The following CFHR1 variants were observed in gnomAD, a reference collection of about 807,000 sequenced individuals.
CFHR1 encodes complement factor H related 1, also known as complement factor H-related protein 1.
A neutral mutation model predicts 30.4 loss-of-function variants in CFHR1; 22 were observed. The ratio of observed to expected loss-of-function variants is 0.72; its 90% CI spans 0.52 to 1.03. The LOEUF is 1.03. Among genes scored for constraint, CFHR1 ranks in the 50% least tolerant of loss-of-function variants. CFHR1 has a pLI of 0.00. For synonymous variants in CFHR1, 95 were observed against 129.1 expected (o/e 0.74, Z 1.79); for missense variants, 248 against 380.6 (o/e 0.65, Z 2.90).
intron 3 of CFHR1, among the ~76,000 whole-genome samples, 163 bp from the exon 4 acceptor site, chr1:196,827,907 T>A: frequency 7.7e-6 from 1 of 130,306 alleles, no homozygotes; most frequent in Non-Finnish European, 1.6e-5. Flanking sequence ...TAGTTTCATG[T>A]CTTTTCTTCA....
chr1:196,828,035 C>T (rs555825554), intron 3 of CFHR1, 35 bp from the exon 4 acceptor site: 2 of 1,489,894 alleles, frequency 1.3e-6, no homozygotes, highest in Non-Finnish European at 1.8e-6. Flanking sequence ...TCAAAATGAA[C>T]ACTAGGTGGA....
chr1:196,826,715 G>A lies in CFHR1; in HGVS notation c.254-114G>A, dbSNP rs1290635568. ...TCCACTCGCCTCAGCCTCCCAAAGC[G>A]CAGAGATTACCAGAGTGAGCCACTT... On this transcript the variant is annotated intron_variant, in intron 2 of 5. Coordinates refer to ENST00000320493, the MANE Select transcript of CFHR1 (RefSeq NM_002113.3). 2.7e-5 allele frequency: 28 copies of A among 1,032,632 alleles called. 7 individuals carry two copies. In the South Asian group the frequency reaches 2.9e-4, roughly 11 times the overall value. The allele number at this position is 1,032,632 out of a possible 1,614,324, so 64.0% of individuals were successfully genotyped here.
chr1:196,830,807 T>C (rs1655525064), intron 5 of CFHR1, 125 bp downstream of exon 5: 1 of 1,302,962 alleles, frequency 7.7e-7, no homozygotes, highest in African/African-American at 1.9e-5. Context: ...CTACCAAAAA[T>C]TTCTTTTAGA....
At position 196,824,748 on chromosome 1, in the gene CFHR1, GTATATATATATATATATA is replaced by G. The variant is rs71131725; in HGVS notation, c.59-713_59-696del. ...CGAAGTGAAACGAGTGGGGCTGACT[GTATATATATATATATATA>G]TATATATATATATATGTGCGTGTGT... On this transcript the variant is annotated intron_variant, in intron 1 of 5. Transcript: ENST00000320493. 1.8e-4 allele frequency among the ~76,000 whole-genome samples: 10 copies of G among 55,018 alleles called. 4 individuals are homozygous for G. Among genetic ancestry groups the G allele is most frequent in the African/African-American group, 1.1e-3 (10 of 9,490 alleles). The allele number at this position is 55,018 out of a possible 152,430, so 36.1% of individuals were successfully genotyped here.
rs1191436772 is a variant in CFHR1 at position 196,826,923 on chromosome 1, A to G, written c.348A>G (p.Thr116=). 4.6e-6 allele frequency: 7 copies of G among 1,525,834 alleles called. 1 individual carries two copies. Among genetic ancestry groups the G allele is most frequent in the Non-Finnish European group, 6.2e-6 (7 of 1,129,614 alleles). The allele number at this position is 1,525,834 out of a possible 1,614,324, so 94.5% of individuals were successfully genotyped here. A position where few individuals can be genotyped will look rare whatever the true frequency, so the allele number is the denominator to read the frequency against. Residue 116 remains threonine (T), a synonymous_variant, in exon 3 of 6, where the codon ACA becomes ACG. Transcript: ENST00000320493. ...ATACTGTGCAAATTATTTGCAACAC[A>G]GGATACAGACTTCAAAACAATGAGA... ...EGDTVQIICN[T]GYRLQNNENN...
chr1:196,830,149 G>A lies in CFHR1; in HGVS notation c.608-351G>A, dbSNP rs1333401806. On this transcript the variant is annotated intron_variant, in intron 4 of 5. Transcript: ENST00000320493. ...AGAACCATCATCAATTTCAAAACCCGTGTCCTCTTAGTGTTACTCCAAAGA... is the reference window on the plus strand; with the variant it reads ...AGAACCATCATCAATTTCAAAACCCATGTCCTCTTAGTGTTACTCCAAAGA... Among the ~76,000 whole-genome samples, 2 of 134,906 alleles carry A rather than the reference G, an allele frequency of 1.5e-5. 1 individual carries two copies. Among genetic ancestry groups the A allele is most frequent in the African/African-American group, 6.3e-5 (2 of 31,514 alleles). 88.5% of individuals were successfully genotyped at this position (134,906 alleles called of 152,430 possible).
Position 196,829,660 on chromosome 1 carries a change from C to T in CFHR1, c.608-840C>T, listed in dbSNP as rs1267035141. Among the ~76,000 whole-genome samples, 2 of 134,956 alleles carry T rather than the reference C, an allele frequency of 1.5e-5. 1 individual carries two copies. Among genetic ancestry groups the T allele is most frequent in the South Asian group, 5.0e-4 (2 of 3,982 alleles). 88.5% of individuals were successfully genotyped at this position (134,956 alleles called of 152,430 possible). A position where few individuals can be genotyped will look rare whatever the true frequency, so the allele number is the denominator to read the frequency against. The stretch of plus-strand genomic sequence containing the variant: ...CACATGGTTATAGATGAAAAACTTA[C>T]CATCATTTGAATTGTTGATCCCCTC... On this transcript the variant is annotated intron_variant, in intron 4 of 5. Transcript: ENST00000320493.
At chr1:196,829,891 T>C (rs1261268369) in intron 4 of CFHR1, among the ~76,000 whole-genome samples, 1 of 134,594 alleles carries the variant, frequency 7.4e-6, no homozygotes, top group Non-Finnish European at 1.6e-5. Context: ...TCCAGCCCAA[T>C]ATCCTTTCTC....
rs149539863 is a variant in CFHR1 at position 196,825,962 on chromosome 1, G to A, written c.253+291G>A. On this transcript the variant is annotated intron_variant, in intron 2 of 5. Coordinates refer to ENST00000320493, the MANE Select transcript of CFHR1 (RefSeq NM_002113.3). ...ATATTTCTTTACTAATATTCATTTC[G>A]CAGCAGCCTGATCAAAGTTTTCCTT... The A allele has an allele frequency of 8.4e-3, 2,052 of 245,460 alleles. 551 individuals are homozygous for A. The highest frequency in any genetic ancestry group is 0.055 in the African/African-American group (1,861 of 33,998). The allele number at this position is 245,460 out of a possible 1,614,324, so 15.2% of individuals were successfully genotyped here.
intron 5 of CFHR1, 80 bp downstream of exon 5, chr1:196,830,762 C>G: frequency 6.2e-6 from 9 of 1,443,002 alleles, no homozygotes; most frequent in Non-Finnish European, 8.5e-6. Flanking sequence ...AAAATAATCA[C>G]AGATTATTGA....
In CFHR1 at chr1:196,826,080, A is replaced by C. The variant is rs1159099442; in HGVS notation, c.253+409A>C. 3 of 165,482 alleles carry C rather than the reference A, an allele frequency of 1.8e-5. 1 individual carries two copies. The East Asian group carries it at 3.9e-4, about 22-fold the overall frequency. 10.3% of individuals were successfully genotyped at this position (165,482 alleles called of 1,614,324 possible). ...AGCATTTTCACTTTTATATTTCAAT[A>C]AATAATTTCTTTGGTCCTTCACAGT... On this transcript the variant is annotated intron_variant, in intron 2 of 5. Transcript: ENST00000320493.
intron 4 of CFHR1, among the ~76,000 whole-genome samples, chr1:196,828,948 C>T (rs995795680): frequency 1.5e-5 from 2 of 133,156 alleles, no homozygotes; most frequent in Non-Finnish European, 3.1e-5. Context: ...TTACACTTAA[C>T]ATAATTATTG....
chr1:196,826,358 C>A (rs1558214309), intron 2 of CFHR1, among the ~76,000 whole-genome samples: 1 of 135,238 alleles, frequency 7.4e-6, no homozygotes, highest in Non-Finnish European at 1.6e-5. Flanking sequence ...ATATTTTCTT[C>A]TATATATACA....
chr1:196,824,023 A>T (rs929748807), intron 1 of CFHR1, among the ~76,000 whole-genome samples: 3 of 132,196 alleles, frequency 2.3e-5, no homozygotes, highest in African/African-American at 9.9e-5. Context: ...AAGAGTAAAA[A>T]GTATGAAGAT....
At chr1:196,820,684 T>C (rs1246396430) in intron 1 of CFHR1, among the ~76,000 whole-genome samples, 2 of 121,500 alleles carry the variant, frequency 1.6e-5, no homozygotes, top group Non-Finnish European at 3.4e-5. Flanking sequence ...AGTTTTTACT[T>C]TACTGTTTGG....
In CFHR1 at chr1:196,828,117, T is replaced by G; in HGVS notation, c.478T>G (p.Ser160Ala). 7.9e-7 allele frequency: 1 copy of G among 1,266,128 alleles called. No individual in the cohort carries two copies. Among genetic ancestry groups the G allele is most frequent in the Non-Finnish European group, 1.1e-6 (1 of 943,326 alleles). 78.4% of individuals were successfully genotyped at this position (1,266,128 alleles called of 1,614,324 possible). A position where few individuals can be genotyped will look rare whatever the true frequency, so the allele number is the denominator to read the frequency against. ...PPTVQNAHIL[S>A]RQMSKYPSGE... ...CACAGTACAAAATGCTCATATACTG[T>G]CGAGACAGATGAGTAAATATCCATC... Residue 160 changes from serine to alanine, a missense_variant, in exon 4 of 6, where the codon TCG (serine) becomes GCG (alanine). Physicochemically the swap from Ser to Ala is moderately conservative, Grantham distance 99. Around this residue, in one of 3 missense-constraint regions of CFHR1, gnomAD observed 15 missense variants for 61.7 expected, o/e 0.24. Transcript: ENST00000320493.
At chr1:196,821,731 CTGTG>C (rs1331344061) in intron 1 of CFHR1, among the ~76,000 whole-genome samples, 1 of 16,858 alleles carries the variant, frequency 5.9e-5, no homozygotes, top group Non-Finnish European at 1.0e-4. Flanking sequence ...ATATAGGTGA[CTGTG>C]AGTGAGTGTG....
Position 196,824,402 on chromosome 1 carries a change from C to G in CFHR1, c.59-1075C>G, listed in dbSNP as rs1468165305. ...CCTCCCAGGTAGCTGGGATCACAGG[C>G]GTGCACCACCACACCTGGCTAATTT... On this transcript the variant is annotated intron_variant, in intron 1 of 5. Coordinates refer to ENST00000320493, the MANE Select transcript of CFHR1 (RefSeq NM_002113.3). 5.5e-4 allele frequency among the ~76,000 whole-genome samples: 72 copies of G among 132,092 alleles called. 6 individuals are homozygous for G. The allele number at this position is 132,092 out of a possible 152,430, so 86.7% of individuals were successfully genotyped here. A position where few individuals can be genotyped will look rare whatever the true frequency, so the allele number is the denominator to read the frequency against.
In CFHR1 at chr1:196,832,071, ATTGT is replaced by A; in HGVS notation, c.*75_*78del. ...TCAGTTCTTAATTTCATTTTTAAGT[ATTGT>A]TTTACTCCTTTTTATTCATACGTAA... On this transcript the variant is annotated 3_prime_UTR_variant, in exon 6 of 6. Coordinates refer to ENST00000320493, the MANE Select transcript of CFHR1 (RefSeq NM_002113.3). 3 of 1,356,072 alleles carry A rather than the reference ATTGT, an allele frequency of 2.2e-6. No homozygotes were observed. Among genetic ancestry groups the A allele is most frequent in the Non-Finnish European group, 2.0e-6 (2 of 988,586 alleles). The allele number at this position is 1,356,072 out of a possible 1,614,324, so 84.0% of individuals were successfully genotyped here. A position where few individuals can be genotyped will look rare whatever the true frequency, so the allele number is the denominator to read the frequency against.
Sources: gnomAD v4.1 joint callset for allele counts (sites outside exome capture counted in the v4.1 genomes callset) on GRCh38, gnomAD v4.1.1 for gene constraint, gnomAD v4.1.1 regional missense constraint, MANE v1.5 for transcripts, NCBI Gene and HGNC (gene_info 2026-07-23, HGNC 2026-07-21) for gene names.